The following CSMD1 variants were observed in gnomAD, a reference collection of about 807,000 sequenced individuals.
The protein encoded by CSMD1 is CUB and Sushi multiple domains 1.
CSMD1 carries 213 observed loss-of-function variants against 417.5 expected under a neutral mutation model. That is an observed-to-expected ratio of 0.51 (90% CI 0.46 to 0.57). The LOEUF (loss-of-function observed/expected upper bound fraction) is 0.57, where lower values mean the gene tolerates loss of function less well. Among genes scored for constraint, CSMD1 ranks in the 20% least tolerant of loss-of-function variants. The probability of loss-of-function intolerance (pLI) is 0.00; values close to 1 mark genes in which losing one functional copy is unlikely to be tolerated. For missense variants in CSMD1, 6,923 were observed against 4,529.7 expected, an observed-to-expected ratio of 1.53 and a Z score of -15.17; for synonymous variants, 2,862 against 1,736.8, an observed-to-expected ratio of 1.65 and a Z score of -16.11.
rs76168313 is a variant in CSMD1 at position 3,573,912 on chromosome 8, T to A, written c.1344+1033A>T. On this transcript the variant is annotated intron_variant, in intron 10 of 69. Coordinates refer to ENST00000635120, the MANE Select transcript of CSMD1 (RefSeq NM_033225.6). ...TTTTTAAGTGAAATCAATATGAAGA[T>A]GTCTACCTTATTTTTTCTTCCTACT... Among the ~76,000 whole-genome samples the A allele has an allele frequency of 9.6e-3, 1,462 of 152,204 alleles. 36 individuals carry two copies. The highest frequency in any genetic ancestry group is 0.032 in the African/African-American group (1,341 of 41,544).
rs554440876 is a variant in CSMD1 at position 3,284,931 on chromosome 8, C to T, written c.3951-585G>A. Among the ~76,000 whole-genome samples the T allele has an allele frequency of 4.5e-3, 690 of 152,248 alleles. 3 individuals are homozygous for T. Among genetic ancestry groups the T allele is most frequent in the Middle Eastern group, 0.014 (4 of 294 alleles). On this transcript the variant is annotated intron_variant, in intron 25 of 69. Coordinates refer to ENST00000635120, the MANE Select transcript of CSMD1 (RefSeq NM_033225.6). ...GGCAAAAATGGGTAACATAAACTCC[C>T]TTCTTTATAAAATTTTACCATACTT... is the stretch of plus-strand genomic sequence containing the variant.
rs139275467 is a variant in CSMD1 at position 3,221,180 on chromosome 8, C to T, written c.4485-1738G>A. On this transcript the variant is annotated intron_variant, in intron 28 of 69. Coordinates refer to ENST00000635120, the MANE Select transcript of CSMD1 (RefSeq NM_033225.6). Reference sequence around the variant, plus strand: ...ACAGAGAACGTGGTACCGCCAGCATCGGTGCAACGCCCAGCCTGCATTATG... The same window carrying T: ...ACAGAGAACGTGGTACCGCCAGCATTGGTGCAACGCCCAGCCTGCATTATG... 2.3e-3 allele frequency among the ~76,000 whole-genome samples: 355 copies of T among 152,278 alleles called. 5 individuals are homozygous for T. Among genetic ancestry groups the T allele is most frequent in the African/African-American group, 8.0e-3 (331 of 41,560 alleles).
intron 3 of CSMD1, among the ~76,000 whole-genome samples, chr8:4,188,588 C>G (rs11995034): frequency 0.69 from 104,926 of 151,488 alleles, 36,481 homozygotes; most frequent in South Asian, 0.8. Context: ...ACGCGCCCTA[C>G]AGTTCACTGC....
intron 2 of CSMD1, among the ~76,000 whole-genome samples, chr8:4,481,948 T>C (rs748575480): frequency 1.3e-5 from 2 of 152,158 alleles, no homozygotes; most frequent in Non-Finnish European, 2.9e-5. Context: ...AGCCTGGCTT[T>C]ATGATCCATT....
At chr8:3,494,069 G>A (rs530128242) in intron 10 of CSMD1, among the ~76,000 whole-genome samples, 1 of 152,192 alleles carries the variant, frequency 6.6e-6, no homozygotes, top group East Asian at 1.9e-4. Flanking sequence ...AAGAAATGTT[G>A]GTTATAGTTA....
intron 3 of CSMD1, among the ~76,000 whole-genome samples, chr8:4,224,657 G>C (rs971750220): frequency 1.3e-5 from 2 of 152,306 alleles, no homozygotes; most frequent in East Asian, 1.9e-4. Flanking sequence ...GAGATAAGTG[G>C]ATAGAATTCC....
chr8:4,597,971 T>C (rs1800374629), intron 2 of CSMD1, among the ~76,000 whole-genome samples: 1 of 151,592 alleles, frequency 6.6e-6, no homozygotes, highest in Non-Finnish European at 1.5e-5. Context: ...TTTTAAAATA[T>C]ATGTGATTTA....
chr8:3,618,727 A>C (rs1053068465), intron 7 of CSMD1, among the ~76,000 whole-genome samples: 1 of 152,164 alleles, frequency 6.6e-6, no homozygotes, highest in Non-Finnish European at 1.5e-5. Context: ...AAAATCTGTA[A>C]CAACCAAGCA....
chr8:4,752,466 G>A (rs1007385551), intron 1 of CSMD1, among the ~76,000 whole-genome samples: 3 of 152,182 alleles, frequency 2.0e-5, no homozygotes, highest in African/African-American at 7.2e-5. Context: ...CTCGGGTGAT[G>A]AAGGAGAGAT....
intron 7 of CSMD1, among the ~76,000 whole-genome samples, chr8:3,652,545 C>A (rs969195438): frequency 2.6e-5 from 4 of 152,182 alleles, no homozygotes; most frequent in Non-Finnish European, 4.4e-5. Flanking sequence ...GGGGAGGCCT[C>A]ACAATCTTGG....
At chr8:4,067,509 A>T (rs1415493289) in intron 3 of CSMD1, among the ~76,000 whole-genome samples, 2 of 152,090 alleles carry the variant, frequency 1.3e-5, no homozygotes, top group African/African-American at 4.8e-5. Flanking sequence ...CAAAATTTTT[A>T]AATGCATTTA....
At chr8:2,952,933 G>T (rs998931202) in intron 65 of CSMD1, among the ~76,000 whole-genome samples, 2 of 152,180 alleles carry the variant, frequency 1.3e-5, no homozygotes, top group African/African-American at 4.8e-5. Context: ...GCAGTACAAT[G>T]CAGCAGCCAC....
At chr8:2,980,399 C>A (rs1443244354) in intron 54 of CSMD1, among the ~76,000 whole-genome samples, 3 of 151,744 alleles carry the variant, frequency 2.0e-5, no homozygotes, top group Non-Finnish European at 4.4e-5. Flanking sequence ...TCTTCTCCTC[C>A]TCCACCTCCT....
chr8:4,458,824 A>C (rs1025247367), intron 2 of CSMD1, among the ~76,000 whole-genome samples: 5 of 152,222 alleles, frequency 3.3e-5, no homozygotes, highest in Non-Finnish European at 4.4e-5. Context: ...AATTAGATCC[A>C]AAGACCCACT....
At chr8:3,110,383 A>G (rs73183532) in intron 42 of CSMD1, 48 bp from the exon 43 acceptor site, 400,176 of 1,479,812 alleles carry the variant, frequency 0.27, 55,561 homozygotes, top group Non-Finnish European at 0.29. Context: ...CTGATTTTAG[A>G]GAGTAGAAAG....
intron 5 of CSMD1, among the ~76,000 whole-genome samples, chr8:3,900,139 T>G (rs1196059498): frequency 6.6e-6 from 1 of 151,862 alleles, no homozygotes; most frequent in Admixed American, 6.6e-5. Context: ...TGCAGCTGGG[T>G]GACAGTGCAG....
intron 4 of CSMD1, among the ~76,000 whole-genome samples, chr8:4,010,296 A>C (rs562490719): frequency 6.6e-5 from 10 of 152,120 alleles, no homozygotes; most frequent in Non-Finnish European, 1.5e-4. Context: ...TTGCCATAAT[A>C]ATCTGGCACC....
intron 40 of CSMD1, among the ~76,000 whole-genome samples, chr8:3,146,326 C>T (rs1201608781): frequency 1.3e-5 from 2 of 151,924 alleles, no homozygotes; most frequent in African/African-American, 2.4e-5. Flanking sequence ...CAAGCCAAGT[C>T]TGTGAAAAGG....
chr8:3,127,203 G>C (rs1191215019), intron 41 of CSMD1, among the ~76,000 whole-genome samples: 2 of 152,098 alleles, frequency 1.3e-5, no homozygotes, highest in East Asian at 1.9e-4. Flanking sequence ...CAACTCTTTG[G>C]GGTCACTGTT....
Sources: gnomAD v4.1 joint callset for allele counts (sites outside exome capture counted in the v4.1 genomes callset) on GRCh38, gnomAD v4.1.1 for gene constraint, MANE v1.5 for transcripts, NCBI Gene and HGNC (gene_info 2026-07-23, HGNC 2026-07-21) for gene names.